Variants in MATN2 observed in about 807,000 individuals in gnomAD.
MATN2 encodes matrilin-2.
A neutral mutation model predicts 103.2 loss-of-function variants in MATN2; 69 were observed. That is an observed-to-expected ratio of 0.67 (90% confidence interval 0.55 to 0.82). The LOEUF is 0.82. Among genes scored for constraint, MATN2 ranks in the 40% least tolerant of loss-of-function variants. The pLI is 0.00. For synonymous variants in MATN2, 429 were observed against 450.2 expected (o/e 0.95, Z 0.60); for missense variants, 1,023 against 1,211.5 (o/e 0.84, Z 2.31).
At chr8:97,964,378 T>A (rs1247441625) in intron 5 of MATN2, among the ~76,000 whole-genome samples, 15 of 151,676 alleles carry the variant, frequency 9.9e-5, no homozygotes, top group African/African-American at 3.4e-4. Context: ...CCAGGGAACA[T>A]TAAGAACAGA....
intron 17 of MATN2, 121 bp from the exon 18 acceptor site, chr8:98,033,440 T>C (rs975736647): frequency 6.1e-6 from 4 of 657,948 alleles, no homozygotes; most frequent in African/African-American, 3.7e-5. Context: ...TCTGGCTGCA[T>C]GGAAAAAGTG....
At chr8:98,003,913 CT>C in intron 8 of MATN2, 130 bp downstream of exon 8, 1 of 1,012,348 alleles carries the variant, frequency 9.9e-7, no homozygotes, top group Non-Finnish European at 1.5e-6. Context: ...TGTATCCTTC[CT>C]TATCCTCAGT....
chr8:97,899,015 C>CA (rs1322698829), intron 2 of MATN2, among the ~76,000 whole-genome samples: 8 of 152,086 alleles, frequency 5.3e-5, no homozygotes, highest in Non-Finnish European at 1.5e-5. Context: ...TGTGGCCTCC[C>CA]AAAGTGTTAG....
intron 2 of MATN2, among the ~76,000 whole-genome samples, chr8:97,909,306 C>G (rs1438307181): frequency 6.6e-6 from 1 of 152,236 alleles, no homozygotes; most frequent in African/African-American, 2.4e-5. Context: ...TCAGTCTGCT[C>G]TCTATTTCTA....
chr8:97,962,082 T>C (rs956241344), intron 5 of MATN2, among the ~76,000 whole-genome samples: 16 of 152,160 alleles, frequency 1.1e-4, no homozygotes, highest in African/African-American at 3.9e-4. Flanking sequence ...GCCCAGGTAA[T>C]GAGGCTCAAG....
chr8:97,900,688 C>T (rs568511846), intron 2 of MATN2, among the ~76,000 whole-genome samples: 2 of 152,286 alleles, frequency 1.3e-5, no homozygotes, highest in African/African-American at 4.8e-5. Flanking sequence ...GTAATCCCAG[C>T]ACTTTGGGAG....
At chr8:98,014,592 C>T (rs1813294403) in intron 10 of MATN2, among the ~76,000 whole-genome samples, 1 of 152,216 alleles carries the variant, frequency 6.6e-6, no homozygotes, top group Non-Finnish European at 1.5e-5. Flanking sequence ...CATTTGAAAG[C>T]TTGCTGTAGA....
At chr8:97,900,928 C>A (rs1818959845) in intron 2 of MATN2, among the ~76,000 whole-genome samples, 1 of 152,122 alleles carries the variant, frequency 6.6e-6, no homozygotes, top group Non-Finnish European at 1.5e-5. Flanking sequence ...GAGCGAGACT[C>A]TGTCCCCGCC....
chr8:98,010,418 C>T (rs1813119278), intron 10 of MATN2, among the ~76,000 whole-genome samples: 1 of 152,160 alleles, frequency 6.6e-6, no homozygotes, highest in African/African-American at 2.4e-5. Flanking sequence ...GTCGCTTCTA[C>T]CCTAGGCAAG....
intron 2 of MATN2, among the ~76,000 whole-genome samples, chr8:97,900,067 G>A (rs1196743846): frequency 1.3e-5 from 2 of 152,236 alleles, no homozygotes; most frequent in Admixed American, 1.3e-4. Context: ...ACCAGGATGT[G>A]AAACCAAGTC....
In MATN2 at chr8:98,005,320, G is replaced by A. The variant is rs10955146; in HGVS notation, c.1327+1537G>A. Among the ~76,000 whole-genome samples, 62,732 of 152,056 alleles carry A rather than the reference G, an allele frequency of 0.41. 14,243 individuals are homozygous for A. The highest frequency in any genetic ancestry group is 0.53 in the Non-Finnish European group (35,876 of 67,930). On this transcript the variant is annotated intron_variant, in intron 8 of 18. Transcript: ENST00000254898. This position sits in a 1 kb window ranked among gnomAD's most constrained non-coding sequence, Gnocchi z 4.6. ...TGAGTCCTTTTGAGAGGCCAGCGGG[G>A]AGCGGGTCTCCCATTCAACAGGAGA...
chr8:97,975,651 GGGTGGCCATAGATA>G (rs1481434584), intron 5 of MATN2, among the ~76,000 whole-genome samples: 1 of 152,182 alleles, frequency 6.6e-6, no homozygotes, highest in African/African-American at 2.4e-5. Flanking sequence ...ACTAAGAAGT[GGGTGGCCATAGATA>G]GGACTGGCTG....
At chr8:98,028,366 C>T (rs1043690978) in intron 14 of MATN2, among the ~76,000 whole-genome samples, 3 of 152,170 alleles carry the variant, frequency 2.0e-5, no homozygotes, top group African/African-American at 7.2e-5. Context: ...CAGATTATGA[C>T]TCTAAGCTCT....
At chr8:98,032,363 C>A (rs1214311961) in intron 16 of MATN2, 46 bp downstream of exon 16, 5 of 1,384,844 alleles carry the variant, frequency 3.6e-6, no homozygotes, top group Non-Finnish European at 5.1e-6. Flanking sequence ...GTGGAGGGAA[C>A]CATGGTTTCC....
intron 2 of MATN2, among the ~76,000 whole-genome samples, chr8:97,893,848 T>A (rs1175937145): frequency 6.6e-6 from 1 of 152,094 alleles, no homozygotes; most frequent in Non-Finnish European, 1.5e-5. Flanking sequence ...CGGCCCCCAG[T>A]GTATTCTTGA....
At chr8:97,894,547 C>T (rs1299155865) in intron 2 of MATN2, among the ~76,000 whole-genome samples, 1 of 152,040 alleles carries the variant, frequency 6.6e-6, no homozygotes, top group Non-Finnish European at 1.5e-5. Context: ...GTTTCAAATT[C>T]TTGGCCTTAT....
chr8:98,032,897 A>C, intron 16 of MATN2, 145 bp from the exon 17 acceptor site: 1 of 605,934 alleles, frequency 1.7e-6, no homozygotes. Context: ...ACTCCACTGA[A>C]GATAACAGTC....
intron 4 of MATN2, among the ~76,000 whole-genome samples, chr8:97,956,886 C>A (rs559956476): frequency 1.3e-5 from 2 of 152,312 alleles, no homozygotes; most frequent in East Asian, 1.9e-4. Flanking sequence ...GACTTTAGGG[C>A]CATTCCTCCT....
chr8:97,984,011 C>CA (rs1215112053), intron 6 of MATN2, among the ~76,000 whole-genome samples: 3 of 152,158 alleles, frequency 2.0e-5, no homozygotes, highest in Non-Finnish European at 2.9e-5. Context: ...GTTTCTTGGC[C>CA]AGAGCATAGT....
Sources: allele counts gnomAD v4.1 joint callset (sites outside exome capture counted in the v4.1 genomes callset), GRCh38; gene constraint gnomAD v4.1.1; non-coding constraint Gnocchi (gnomAD v3.1); transcripts MANE v1.5; gene names NCBI Gene and HGNC (gene_info 2026-07-23, HGNC 2026-07-21).